The following CUX2 variants were observed in gnomAD, a reference collection of about 807,000 sequenced individuals.
CUX2 encodes the protein cut like homeobox 2.
CUX2 carries 40 observed loss-of-function variants against 144.8 expected under a neutral mutation model. The observed-to-expected ratio is 0.28, with a 90% CI of 0.21 to 0.36. The LOEUF (loss-of-function observed/expected upper bound fraction) is 0.36. Ranked by LOEUF, CUX2 falls within the 10% of genes least tolerant of loss-of-function variation. CUX2 has a pLI of 1.00. For synonymous variants in CUX2, 827 were observed against 875.6 expected (o/e 0.94, Z 0.98); for missense variants, 1,615 against 1,994.0 (o/e 0.81, Z 3.62).
At chr12:111,097,632 C>T (rs73197953) in intron 1 of CUX2, among the ~76,000 whole-genome samples, 2 of 152,258 alleles carry the variant, frequency 1.3e-5, no homozygotes, top group African/African-American at 2.4e-5. Flanking sequence ...TCAGGGGGGT[C>T]ACTGGCGTGA....
At chr12:111,311,849 C>T (rs1211770195) in intron 15 of CUX2, among the ~76,000 whole-genome samples, 2 of 151,954 alleles carry the variant, frequency 1.3e-5, no homozygotes, top group Admixed American at 6.5e-5. Context: ...CCTCCCACCT[C>T]GGACTCCCAG....
rs1448149054 is a variant in CUX2, at chr12:111,037,733, G to A, written c.63+3493G>A. ...TATGGCTTTTCTGTGTATAATCGTC[G>A]TAACCGGATTCATACCTTTATGATT... On this transcript the variant is annotated intron_variant, in intron 1 of 21. Transcript: ENST00000261726. This position sits in a 1 kb window ranked among gnomAD's most constrained non-coding sequence, Gnocchi z 5.4. Among the ~76,000 whole-genome samples the A allele has an allele frequency of 6.6e-6, 1 of 151,924 alleles. No homozygotes were observed. Among genetic ancestry groups the A allele is most frequent in the Non-Finnish European group, 1.5e-5 (1 of 67,994 alleles).
intron 10 of CUX2, 122 bp from the exon 11 acceptor site, chr12:111,306,799 A>ACC: frequency 1.4e-6 from 1 of 733,622 alleles, no homozygotes; most frequent in South Asian, 1.9e-5. Flanking sequence ...ACACAAGCAC[A>ACC]CCCCATACCA....
chr12:111,077,492 T>G lies in CUX2; in HGVS notation c.63+43252T>G, dbSNP rs1871604971. On this transcript the variant is annotated intron_variant, in intron 1 of 21. Transcript: ENST00000261726. This position sits in a 1 kb window ranked among gnomAD's most constrained non-coding sequence, Gnocchi z 4.1. Reference sequence around the variant, plus strand: ...TCTTGGACCACTGAATAATTTACGGTCCCTCGGAGCGGCGAGGAGCAGGTC... The same window carrying G: ...TCTTGGACCACTGAATAATTTACGGGCCCTCGGAGCGGCGAGGAGCAGGTC... Among the ~76,000 whole-genome samples the G allele has an allele frequency of 6.6e-6, 1 of 152,168 alleles. No homozygotes were observed. Among genetic ancestry groups the G allele is most frequent in the Non-Finnish European group, 1.5e-5 (1 of 68,028 alleles).
chr12:111,052,618 T>C (rs758073794), intron 1 of CUX2, among the ~76,000 whole-genome samples: 1 of 152,180 alleles, frequency 6.6e-6, no homozygotes, highest in Non-Finnish European at 1.5e-5. Flanking sequence ...TGTGTGTGTG[T>C]CTTTGTATCT....
Position 111,334,584 on chromosome 12 carries a change from A to G in CUX2, c.3070A>G (p.Ser1024Gly), listed in dbSNP as rs756940098. ...AGAGGGCCGCTCCAGCTCCTCGTTG[A>G]GCGGGAAGATGTACTCAGGCAGCCA... The part of the protein sequence containing the change: ...QPEGRSSSSL[S>G]GKMYSGSQAP... The change falls in exon 19 of 22, where the codon AGC becomes GGC. Residue 1024 changes from serine to glycine, a missense_variant. Coordinates refer to ENST00000261726, the MANE Select transcript of CUX2 (RefSeq NM_015267.4). 7 of 1,613,926 alleles carry G rather than the reference A, an allele frequency of 4.3e-6. No individual in the cohort carries two copies. Among genetic ancestry groups the G allele is most frequent in the Middle Eastern group, 1.7e-4 (1 of 6,060 alleles).
intron 1 of CUX2, among the ~76,000 whole-genome samples, chr12:111,100,516 T>G (rs561881478): frequency 5.3e-5 from 8 of 152,126 alleles, no homozygotes; most frequent in Non-Finnish European, 2.9e-5. Flanking sequence ...AGGAGACACA[T>G]GGGTGCGTGA....
chr12:111,142,019 G>C (rs1454411934), intron 1 of CUX2, among the ~76,000 whole-genome samples: 2 of 152,192 alleles, frequency 1.3e-5, no homozygotes, highest in African/African-American at 2.4e-5. Context: ...TGGAGGTGGA[G>C]GTTGCAGTGA....
intron 20 of CUX2, among the ~76,000 whole-genome samples, chr12:111,341,029 C>T (rs1244199882): frequency 6.6e-6 from 1 of 152,132 alleles, no homozygotes; most frequent in African/African-American, 2.4e-5. Context: ...TGCTGGCGAG[C>T]GTACCCTTTC....
intron 18 of CUX2, among the ~76,000 whole-genome samples, chr12:111,326,533 G>C (rs888092459): frequency 2.6e-5 from 4 of 151,892 alleles, no homozygotes; most frequent in African/African-American, 9.7e-5. Context: ...GTCTCACTCT[G>C]TCACCCAGGC....
intron 1 of CUX2, among the ~76,000 whole-genome samples, chr12:111,174,068 C>A (rs1878698949): frequency 1.3e-5 from 2 of 152,152 alleles, no homozygotes; most frequent in South Asian, 4.1e-4. Context: ...CAGGCAGGGC[C>A]CTGACCACAC....
intron 3 of CUX2, among the ~76,000 whole-genome samples, chr12:111,260,413 A>T (rs1565878259): frequency 6.6e-6 from 1 of 151,860 alleles, no homozygotes; most frequent in Non-Finnish European, 1.5e-5. Flanking sequence ...GCAGTGAGCC[A>T]AGATCGTGCC....
At chr12:111,242,254 G>A (rs563481748) in intron 3 of CUX2, among the ~76,000 whole-genome samples, 96 of 152,208 alleles carry the variant, frequency 6.3e-4, no homozygotes, top group Non-Finnish European at 1.0e-3. Context: ...AAACCTTAAA[G>A]GTTGAGTGAC....
rs1024941265 is a variant in CUX2, at chr12:111,307,568, C to T, written c.1109+311C>T. On this transcript the variant is annotated intron_variant, in intron 12 of 21. Coordinates refer to ENST00000261726, the MANE Select transcript of CUX2 (RefSeq NM_015267.4). This position sits in a 1 kb window ranked among gnomAD's most constrained non-coding sequence, Gnocchi z 4.1. ...TAATTAGCCAGGAGTGGTGGTGATG[C>T]GTGCTGTAGTCCCAGCCACTCAGGA... is the stretch of plus-strand genomic sequence containing the variant. Among the ~76,000 whole-genome samples the T allele has an allele frequency of 1.3e-5, 2 of 152,080 alleles. No individual in the cohort carries two copies. Among genetic ancestry groups the T allele is most frequent in the African/African-American group, 4.8e-5 (2 of 41,410 alleles).
rs1886981682 is a variant in CUX2, at chr12:111,312,983, G to A, written c.2002+782G>A. On this transcript the variant is annotated intron_variant, in intron 16 of 21. Transcript: ENST00000261726. This position sits in a 1 kb window ranked among gnomAD's most constrained non-coding sequence, Gnocchi z 4.3. ...CAGTGACCTGTTTGCTTGGTGTAGT[G>A]GAGCTGGACTGGCCACAAATTCTGG... Among the ~76,000 whole-genome samples, 1 of 152,198 alleles carries A rather than the reference G, an allele frequency of 6.6e-6. No individual in the cohort carries two copies. The highest frequency in any genetic ancestry group is 2.4e-5 in the African/African-American group (1 of 41,454).
intron 1 of CUX2, among the ~76,000 whole-genome samples, chr12:111,131,441 T>C (rs1875473682): frequency 6.6e-6 from 1 of 151,990 alleles, no homozygotes; most frequent in South Asian, 2.1e-4. Context: ...AAATCTCATG[T>C]CCTCTCATTT....
At chr12:111,152,701 AT>A (rs1400882324) in intron 1 of CUX2, among the ~76,000 whole-genome samples, 1 of 152,212 alleles carries the variant, frequency 6.6e-6, no homozygotes, top group African/African-American at 2.4e-5. Flanking sequence ...GGCCTGAAAA[AT>A]AGACGCATGT....
chr12:111,239,449 G>A (rs948005797), intron 3 of CUX2, among the ~76,000 whole-genome samples: 13 of 152,250 alleles, frequency 8.5e-5, no homozygotes, highest in South Asian at 2.1e-4. Context: ...GCCCAGTTGC[G>A]TTCTCTCACC....
At chr12:111,194,331 C>T (rs778376069) in intron 1 of CUX2, among the ~76,000 whole-genome samples, 21 of 152,220 alleles carry the variant, frequency 1.4e-4, no homozygotes, top group Non-Finnish European at 1.3e-4. Flanking sequence ...TTATTCTCTC[C>T]ATCCTGCATA....
Sources: gnomAD v4.1 joint callset for allele counts (sites outside exome capture counted in the v4.1 genomes callset) on GRCh38, gnomAD v4.1.1 for gene constraint, Gnocchi (gnomAD v3.1) non-coding constraint, MANE v1.5 for transcripts, NCBI Gene and HGNC (gene_info 2026-07-23, HGNC 2026-07-21) for gene names.